The following SCOC variants were observed in gnomAD, a reference collection of about 807,000 sequenced individuals.
The protein encoded by SCOC is short coiled-coil protein.
Under a neutral mutation model 9.9 loss-of-function variants are expected in SCOC, and 7 were observed. The observed-to-expected ratio is 0.71, with a 90% CI of 0.40 to 1.33. The LOEUF is 1.33. Ranked by LOEUF, SCOC falls within the 40% of genes most tolerant of loss-of-function variation. The pLI, the probability that SCOC is intolerant of heterozygous loss-of-function variation, is 0.01. For synonymous variants in SCOC, 19 were observed against 28.2 expected (o/e 0.67, Z 1.03); for missense variants, 66 against 89.7 (o/e 0.74, Z 1.07).
chr4:140,362,271 G>GTATGTTCTTCT (rs1470478098), intron 2 of SCOC, among the ~76,000 whole-genome samples: 3 of 27,338 alleles, frequency 1.1e-4, no homozygotes, highest in Non-Finnish European at 2.2e-4. Flanking sequence ...AGACAGGTGT[G>GTATGTTCTTCT]TCCTTACTTC....
chr4:140,359,518 C>T (rs1240391426), intron 2 of SCOC, among the ~76,000 whole-genome samples: 2 of 152,068 alleles, frequency 1.3e-5, no homozygotes, highest in Admixed American at 6.5e-5. Context: ...CAAGCCTGTT[C>T]AGCTTCAAGG....
chr4:140,308,045 G>A (rs1461085334), intron 1 of SCOC, among the ~76,000 whole-genome samples: 1 of 152,206 alleles, frequency 6.6e-6, no homozygotes, highest in East Asian at 1.9e-4. Context: ...TTTGCTGGTG[G>A]TAGAGGCTGT....
At chr4:140,373,014 G>A (rs953627397), upstream of SCOC, among the ~76,000 whole-genome samples, 3 of 152,104 alleles carry the variant, frequency 2.0e-5, no homozygotes, top group Admixed American at 6.5e-5. Context: ...GTACCACTAG[G>A]GTATTTTCTC....
In SCOC at chr4:140,304,195, G is replaced by A. The variant is rs753580995; in HGVS notation, c.-18-39426G>A. Among the ~76,000 whole-genome samples, 14 of 152,150 alleles carry A rather than the reference G, an allele frequency of 9.2e-5. 1 individual carries two copies. Among genetic ancestry groups the A allele is most frequent in the South Asian group, 8.3e-4 (4 of 4,828 alleles). On this transcript the variant is annotated intron_variant, in intron 1 of 4. Coordinates refer to the SCOC transcript ENST00000394205. The stretch of plus-strand genomic sequence containing the variant: ...AAGCCTGGAAAGGGAAGCATATGGC[G>A]CTGGGCATGGATAACTACAAGACAC...
upstream of SCOC, among the ~76,000 whole-genome samples, chr4:140,369,857 A>ATTTTT (rs540817613): frequency 3.2e-5 from 1 of 31,420 alleles, no homozygotes; most frequent in African/African-American, 8.9e-5. Flanking sequence ...CAGAAGGGGG[A>ATTTTT]TTTTTTTTTT....
intron 1 of SCOC, among the ~76,000 whole-genome samples, chr4:140,293,625 C>A (rs755355067): frequency 7.2e-5 from 11 of 152,186 alleles, no homozygotes; most frequent in African/African-American, 2.4e-4. Context: ...GAGAATTCCA[C>A]GCCAGGCAGG....
chr4:140,260,716 C>T (rs776961067), intron 1 of SCOC, among the ~76,000 whole-genome samples: 2 of 152,170 alleles, frequency 1.3e-5, no homozygotes, highest in Non-Finnish European at 2.9e-5. Flanking sequence ...AACATTCACT[C>T]ATTCTGGAGT....
chr4:140,378,580 AAT>A (rs1182748224), intron 1 of SCOC, among the ~76,000 whole-genome samples: 1 of 152,136 alleles, frequency 6.6e-6, no homozygotes, highest in Non-Finnish European at 1.5e-5. Context: ...AATAAATAAA[AAT>A]ATGTCTTCTT....
At chr4:140,311,089 C>T (rs1313924185) in intron 1 of SCOC, among the ~76,000 whole-genome samples, 2 of 152,128 alleles carry the variant, frequency 1.3e-5, no homozygotes, top group Non-Finnish European at 2.9e-5. Context: ...TTTAGCCAGG[C>T]ATGGTAGTGC....
upstream of SCOC, among the ~76,000 whole-genome samples, chr4:140,342,128 A>G (rs1251239907): frequency 6.6e-6 from 1 of 151,884 alleles, no homozygotes; most frequent in African/African-American, 2.4e-5. Flanking sequence ...CCTATTTTCC[A>G]CCATATCTCC....
intron 1 of SCOC, among the ~76,000 whole-genome samples, chr4:140,307,608 T>G (rs866500923): frequency 2.0e-5 from 3 of 152,294 alleles, no homozygotes; most frequent in Middle Eastern, 6.8e-3. Context: ...GCCCCTCTTG[T>G]TCCTCAGGGA....
upstream of SCOC, among the ~76,000 whole-genome samples, chr4:140,371,605 T>C (rs1293876609): frequency 6.6e-6 from 1 of 152,238 alleles, no homozygotes; most frequent in Non-Finnish European, 1.5e-5. Flanking sequence ...GAAACAGTTA[T>C]TCCTCACCAG....
Position 140,381,961 on chromosome 4 carries a change from G to C in SCOC, c.*857G>C, listed in dbSNP as rs1312423223. 6.6e-6 allele frequency: 1 copy of C among 152,166 alleles called. No homozygotes were observed. The highest frequency in any genetic ancestry group is 1.5e-5 in the Non-Finnish European group (1 of 68,020). The allele number at this position is 152,166 out of a possible 1,614,324, so 9.4% of individuals were successfully genotyped here. Reference sequence around the variant, plus strand: ...TTCACTCCAGATTTGTGTTTTCTCTGGCACAGAGTAGATCTTTTGGGAAAT... The same window carrying C: ...TTCACTCCAGATTTGTGTTTTCTCTCGCACAGAGTAGATCTTTTGGGAAAT... On this transcript the variant is annotated 3_prime_UTR_variant, in exon 4 of 4. Coordinates refer to ENST00000608372, the MANE Select transcript of SCOC (RefSeq NM_001153484.2).
chr4:140,299,772 G>A (rs1731759730), intron 1 of SCOC, among the ~76,000 whole-genome samples: 1 of 152,236 alleles, frequency 6.6e-6, no homozygotes, highest in Non-Finnish European at 1.5e-5. Context: ...GGCAATGCTT[G>A]TAGTAGTGAG....
At chr4:140,263,802 C>T (rs915876418) in intron 1 of SCOC, among the ~76,000 whole-genome samples, 1 of 152,062 alleles carries the variant, frequency 6.6e-6, no homozygotes, top group Admixed American at 6.5e-5. Context: ...AACCGAGCTC[C>T]GAGGACACTT....
At chr4:140,377,980 G>A (rs1442539072) in intron 1 of SCOC, among the ~76,000 whole-genome samples, 2 of 152,106 alleles carry the variant, frequency 1.3e-5, no homozygotes, top group African/African-American at 2.4e-5. Context: ...TAATAATCTG[G>A]TGACATTATT....
At chr4:140,368,187 G>C (rs749647289) in intron 2 of SCOC, among the ~76,000 whole-genome samples, 2 of 152,124 alleles carry the variant, frequency 1.3e-5, no homozygotes, top group African/African-American at 2.4e-5. Flanking sequence ...AAGAACCCAG[G>C]TTTCTTCTTC....
chr4:140,257,995 T>C (rs1279381073), intron 1 of SCOC, among the ~76,000 whole-genome samples: 1 of 152,068 alleles, frequency 6.6e-6, no homozygotes, highest in African/African-American at 2.4e-5. Context: ...ATGAGTGGGG[T>C]CCTCAGACAG....
intron 2 of SCOC, among the ~76,000 whole-genome samples, chr4:140,368,550 T>C (rs531681564): frequency 1.3e-5 from 2 of 152,334 alleles, no homozygotes; most frequent in East Asian, 1.9e-4. Context: ...AAGTTGATTT[T>C]GCCAAGGTTA....
Sources: gnomAD v4.1 joint callset for allele counts (sites outside exome capture counted in the v4.1 genomes callset) on GRCh38, gnomAD v4.1.1 for gene constraint, MANE v1.5 for transcripts, NCBI Gene and HGNC (gene_info 2026-07-23, HGNC 2026-07-21) for gene names.